The following MYO9B variants were observed in gnomAD, a reference collection of about 807,000 sequenced individuals.
The protein encoded by MYO9B is unconventional myosin-IXb.
A neutral mutation model predicts 229.5 loss-of-function variants in MYO9B; 71 were observed. That is an observed-to-expected ratio of 0.31 (90% CI 0.26 to 0.38). The LOEUF (loss-of-function observed/expected upper bound fraction) is 0.38, where lower values mean the gene tolerates loss of function less well. Among genes scored for constraint, MYO9B ranks in the 10% least tolerant of loss-of-function variants. The pLI, the probability that MYO9B is intolerant of heterozygous loss-of-function variation, is 1.00. For missense variants in MYO9B, 2,255 were observed against 2,920.5 expected (o/e 0.77, Z 5.25); for synonymous variants, 1,185 against 1,235.8 (o/e 0.96, Z 0.86).
chr19:17,162,126 G>A (rs924655882), intron 8 of MYO9B, among the ~76,000 whole-genome samples: 1 of 152,098 alleles, frequency 6.6e-6, no homozygotes, highest in Admixed American at 6.6e-5. Context: ...CCAACATGGT[G>A]AAACTCCATC....
chr19:17,209,336 A>T (rs1185135939), intron 35 of MYO9B, among the ~76,000 whole-genome samples: 1 of 152,224 alleles, frequency 6.6e-6, no homozygotes, highest in East Asian at 1.9e-4. Flanking sequence ...CCTACTGGTG[A>T]CTAAGGGGTT....
At position 17,135,267 on chromosome 19, in the gene MYO9B, G is replaced by GA. The variant is rs36012888; in HGVS notation, c.841-10121dup. Among the ~76,000 whole-genome samples the GA allele has an allele frequency of 3.0e-3, 458 of 151,348 alleles. 1 individual carries two copies. Among genetic ancestry groups the GA allele is most frequent in the African/African-American group, 0.01 (415 of 41,260 alleles). ...GAAACATGTTTTTTATATTATAAAA[G>GA]AAAAAAAAATGTGTTTCTGTTAAAG... On this transcript the variant is annotated intron_variant, in intron 2 of 39. Transcript: ENST00000682292.
chr19:17,182,040 G>T (rs956291381), intron 15 of MYO9B, among the ~76,000 whole-genome samples: 3 of 149,766 alleles, frequency 2.0e-5, no homozygotes, highest in Non-Finnish European at 4.4e-5. Context: ...GCCTCCCAAA[G>T]TGCTGGGATT....
intron 3 of MYO9B, among the ~76,000 whole-genome samples, chr19:17,151,259 C>T (rs1372226867): frequency 2.1e-5 from 3 of 145,382 alleles, no homozygotes; most frequent in Non-Finnish European, 3.0e-5. Context: ...GCCTCGGCAA[C>T]GAGAGCAAAA....
intron 11 of MYO9B, among the ~76,000 whole-genome samples, chr19:17,171,685 C>T (rs544828995): frequency 6.6e-6 from 1 of 152,316 alleles, no homozygotes; most frequent in African/African-American, 2.4e-5. Context: ...GGCGCGGTGG[C>T]TCACGCCTAT....
At chr19:17,187,215 C>T (rs1052201948) in intron 18 of MYO9B, among the ~76,000 whole-genome samples, 2 of 152,208 alleles carry the variant, frequency 1.3e-5, no homozygotes, top group Non-Finnish European at 2.9e-5. Context: ...TGTGGGCCTC[C>T]ACCCAGCTGT....
At position 17,203,023 on chromosome 19, in the gene MYO9B, C is replaced by G. The variant is rs1359992020; in HGVS notation, c.4879-124C>G. ...GACACGTGTGAGTGTGTTTTTCCCC[C>G]GGCATATACGGAGCCGTAGTCTTGA... On this transcript the variant is annotated intron_variant, in intron 29 of 39. Coordinates refer to ENST00000682292, the MANE Select transcript of MYO9B (RefSeq NM_004145.4). 2.2e-6 allele frequency: 3 copies of G among 1,369,498 alleles called. No individual in the cohort carries two copies. In the African/African-American group the frequency reaches 4.3e-5, roughly 20 times the overall value. The allele number at this position is 1,369,498 out of a possible 1,614,324, so 84.8% of individuals were successfully genotyped here.
chr19:17,083,952 G>A lies in MYO9B; in HGVS notation c.-59+8078G>A, dbSNP rs147855060. Among the ~76,000 whole-genome samples, 181 of 152,038 alleles carry A rather than the reference G, an allele frequency of 1.2e-3. 1 individual carries two copies. In the East Asian group the frequency reaches 0.033, roughly 28 times the overall value. ...AGATGTGAGCCACCATGCCCAGCCCGCACATTTAAATACACAAAGTGAATG... is the reference window on the plus strand; with the variant it reads ...AGATGTGAGCCACCATGCCCAGCCCACACATTTAAATACACAAAGTGAATG... On this transcript the variant is annotated intron_variant, in intron 1 of 39. Transcript: ENST00000682292.
chr19:17,102,774 G>A (rs1018456490), intron 2 of MYO9B, among the ~76,000 whole-genome samples: 2 of 151,422 alleles, frequency 1.3e-5, no homozygotes, highest in African/African-American at 2.4e-5. Context: ...AGGCATAGTA[G>A]TGCTCACCTG....
intron 1 of MYO9B, among the ~76,000 whole-genome samples, chr19:17,089,834 T>C (rs991390465): frequency 6.6e-6 from 1 of 152,144 alleles, no homozygotes; most frequent in African/African-American, 2.4e-5. Flanking sequence ...TAACATTCAG[T>C]GCATTCACAG....
At chr19:17,168,624 G>A (rs760112719) in intron 11 of MYO9B, among the ~76,000 whole-genome samples, 4 of 152,216 alleles carry the variant, frequency 2.6e-5, no homozygotes, top group Non-Finnish European at 5.9e-5. Flanking sequence ...AGGATTATGG[G>A]CCTATGCCTA....
intron 2 of MYO9B, among the ~76,000 whole-genome samples, chr19:17,122,724 A>G (rs1005635923): frequency 6.6e-6 from 1 of 152,222 alleles, no homozygotes; most frequent in Non-Finnish European, 1.5e-5. Context: ...GGTATCAGTT[A>G]GCAGGCAGGA....
At position 17,203,203 on chromosome 19, in the gene MYO9B, G is replaced by A. The variant is rs1215485917; in HGVS notation, c.4935G>A (p.Ser1645=). ...GCTACCAGGTTAGCATCCCGCAGTC[G>A]TGCGAGCAGTGCCTCTCCTATATCT... ...FASYQVSIPQ[S]CEQCLSYIWL... The change falls in exon 30 of 40, where the codon TCG becomes TCA. Residue 1645 remains serine, a synonymous_variant. Coordinates refer to ENST00000682292, the MANE Select transcript of MYO9B (RefSeq NM_004145.4). 8 of 1,573,422 alleles carry A rather than the reference G, an allele frequency of 5.1e-6. No individual in the cohort carries two copies. The highest frequency in any genetic ancestry group is 4.1e-5 in the African/African-American group (3 of 73,826).
At chr19:17,110,816 A>G (rs1031251705) in intron 2 of MYO9B, among the ~76,000 whole-genome samples, 1 of 152,054 alleles carries the variant, frequency 6.6e-6, no homozygotes, top group Non-Finnish European at 1.5e-5. Context: ...TGCCCAGGAC[A>G]TTCCAGTGAG....
Position 17,145,498 on chromosome 19 carries a change from T to G in MYO9B, c.935+7T>G. ...AGAGTGGCATCGTGAGAGGGTGAGG[T>G]GTCCCTGGGGTCCCCACTGGTGGGA... On this transcript the variant is annotated splice_region_variant and intron_variant, in intron 3 of 39. Coordinates refer to ENST00000682292, the MANE Select transcript of MYO9B (RefSeq NM_004145.4). 6.2e-7 allele frequency: 1 copy of G among 1,612,898 alleles called. No individual in the cohort carries two copies. The highest frequency in any genetic ancestry group is 8.5e-7 in the Non-Finnish European group (1 of 1,179,024).
intron 2 of MYO9B, among the ~76,000 whole-genome samples, chr19:17,132,429 C>T (rs1015239547): frequency 2.0e-4 from 30 of 150,726 alleles, no homozygotes; most frequent in African/African-American, 6.3e-4. Context: ...TCAAGTGATC[C>T]ATCCACCTTG....
At chr19:17,210,977 CTTT>C (rs35355662) in intron 38 of MYO9B, 129 bp downstream of exon 38, 5,894 of 328,830 alleles carry the variant, frequency 0.018, no homozygotes, top group Middle Eastern at 0.024. Context: ...GCAAACAACA[CTTT>C]TTTTTTTTTT....
rs1382450920 is a variant in MYO9B, at chr19:17,172,939, G to T, written c.2116G>T (p.Ala706Ser). 32 of 1,598,274 alleles carry T rather than the reference G, an allele frequency of 2.0e-5. No homozygotes were observed. The highest frequency in any genetic ancestry group is 2.5e-5 in the Non-Finnish European group (29 of 1,179,514). ...GCTTCGGGAGGCCGGACGCCTGCGGGCCGAGAGGGCCGAAAAGGCTGCAGG... is the reference window on the plus strand; with the variant it reads ...GCTTCGGGAGGCCGGACGCCTGCGGTCCGAGAGGGCCGAAAAGGCTGCAGG... ...AVLREAGRLRAERAEKAAGMS... is the reference protein window; with the variant it reads ...AVLREAGRLRSERAEKAAGMS... Residue 706 changes from alanine to serine, a missense_variant, in exon 13 of 40, where the codon GCC (alanine) becomes TCC (serine). Transcript: ENST00000682292. This position sits in a 1 kb window ranked among gnomAD's most constrained non-coding sequence, Gnocchi z 8.2.
intron 22 of MYO9B, among the ~76,000 whole-genome samples, chr19:17,196,683 C>CA (rs1279205797): frequency 0.012 from 1,181 of 97,018 alleles, 14 homozygotes; most frequent in African/African-American, 0.036. Flanking sequence ...GACTCCGTCT[C>CA]AAAAAAAAAA....
Sources: gnomAD v4.1 joint callset for allele counts (sites outside exome capture counted in the v4.1 genomes callset) on GRCh38, gnomAD v4.1.1 for gene constraint, Gnocchi (gnomAD v3.1) non-coding constraint, MANE v1.5 for transcripts, NCBI Gene and HGNC (gene_info 2026-07-23, HGNC 2026-07-21) for gene names.